Variants in PDE4B observed in about 807,000 individuals in gnomAD.
The protein encoded by PDE4B is 3',5'-cyclic-AMP phosphodiesterase 4B.
Under a neutral mutation model 82.2 loss-of-function variants are expected in PDE4B, and 20 were observed. The observed-to-expected ratio is 0.24, with a 90% CI of 0.17 to 0.35. The LOEUF (loss-of-function observed/expected upper bound fraction) is 0.35, where lower values mean the gene tolerates loss of function less well. PDE4B is among the 10% of genes least tolerant of loss of function. The probability of loss-of-function intolerance (pLI) is 1.00; values close to 1 mark genes in which losing one functional copy is unlikely to be tolerated. For synonymous variants in PDE4B, 320 were observed against 318.9 expected (o/e 1.00, Z -0.04); for missense variants, 655 against 907.2 (o/e 0.72, Z 3.57).
chr1:65,860,749 T>A (rs1646445187), intron 1 of PDE4B, among the ~76,000 whole-genome samples: 1 of 152,232 alleles, frequency 6.6e-6, no homozygotes, highest in South Asian at 2.1e-4. Flanking sequence ...GTAACTGTCA[T>A]GAGATGTTAT....
chr1:66,235,631 G>GA (rs1652348583), intron 3 of PDE4B, among the ~76,000 whole-genome samples: 1 of 152,070 alleles, frequency 6.6e-6, no homozygotes, highest in Non-Finnish European at 1.5e-5. Flanking sequence ...GTCAGGTCAT[G>GA]CTTTTTTAAT....
chr1:66,257,448 G>T (rs1335648332), intron 4 of PDE4B, 199 bp from the exon 5 acceptor site: 2 of 763,788 alleles, frequency 2.6e-6, no homozygotes, highest in Non-Finnish European at 4.9e-6. Context: ...CAGGAGTCAT[G>T]AATCTAGTAC....
chr1:65,829,626 T>C (rs1646058431), intron 1 of PDE4B, among the ~76,000 whole-genome samples: 1 of 152,140 alleles, frequency 6.6e-6, no homozygotes, highest in Non-Finnish European at 1.5e-5. Context: ...AAAGCTAAAC[T>C]AGAAATCAAT....
At chr1:65,800,869 A>T (rs1197835853) in intron 1 of PDE4B, among the ~76,000 whole-genome samples, 1 of 152,232 alleles carries the variant, frequency 6.6e-6, no homozygotes, top group Non-Finnish European at 1.5e-5. Context: ...TGATAATGAC[A>T]ACGGTCATGA....
At chr1:66,075,890 TAAACAAAACAAAACA>T (rs755561830) in intron 3 of PDE4B, among the ~76,000 whole-genome samples, 3 of 92,794 alleles carry the variant, frequency 3.2e-5, no homozygotes, top group Admixed American at 2.3e-4. Flanking sequence ...CATTCACATT[TAAACAAAACAAAACA>T]AAACAAAACA....
At chr1:65,966,103 A>T (rs1021052813) in intron 3 of PDE4B, among the ~76,000 whole-genome samples, 5 of 152,192 alleles carry the variant, frequency 3.3e-5, no homozygotes, top group Non-Finnish European at 7.4e-5. Context: ...AGAGGAAGTC[A>T]AATTGTCTCT....
At chr1:66,255,943 T>C (rs1403035551) in intron 4 of PDE4B, among the ~76,000 whole-genome samples, 5 of 152,194 alleles carry the variant, frequency 3.3e-5, no homozygotes, top group South Asian at 2.1e-4. Context: ...AGTGGGCCGA[T>C]TGCTTGAGCC....
chr1:65,866,659 G>T (rs947277868), intron 1 of PDE4B, among the ~76,000 whole-genome samples: 1 of 152,136 alleles, frequency 6.6e-6, no homozygotes, highest in Non-Finnish European at 1.5e-5. Context: ...GCAACCTCTA[G>T]ATATGACTAC....
intron 7 of PDE4B, among the ~76,000 whole-genome samples, chr1:66,313,320 C>T (rs1028209312): frequency 7.2e-5 from 11 of 152,332 alleles, no homozygotes; most frequent in Non-Finnish European, 1.6e-4. Context: ...ATTACTTCTA[C>T]TCTCAAAACA....
intron 3 of PDE4B, among the ~76,000 whole-genome samples, chr1:65,965,734 C>T (rs755353488): frequency 2.0e-5 from 3 of 152,022 alleles, no homozygotes; most frequent in African/African-American, 4.8e-5. Context: ...ATTATTGGCA[C>T]TCAACAAAAA....
chr1:65,962,029 G>A (rs1314737654), intron 3 of PDE4B, among the ~76,000 whole-genome samples: 1 of 152,104 alleles, frequency 6.6e-6, no homozygotes, highest in Non-Finnish European at 1.5e-5. Context: ...AGTCGAAAAT[G>A]CACTTAATAT....
chr1:65,890,243 G>T (rs1646838804), intron 1 of PDE4B, among the ~76,000 whole-genome samples: 1 of 151,034 alleles, frequency 6.6e-6, no homozygotes, highest in African/African-American at 2.4e-5. Context: ...GCCTTATATT[G>T]GTTTTCATTT....
At chr1:66,035,575 A>G (rs1459555955) in intron 3 of PDE4B, among the ~76,000 whole-genome samples, 1 of 152,138 alleles carries the variant, frequency 6.6e-6, no homozygotes, top group East Asian at 1.9e-4. Context: ...GTGAGATTAT[A>G]CAGTGTTTGT....
chr1:65,861,365 T>C (rs1646452162), intron 1 of PDE4B, among the ~76,000 whole-genome samples: 1 of 152,130 alleles, frequency 6.6e-6, no homozygotes. Context: ...TGTAGATGTG[T>C]GGTGTTATTT....
chr1:66,179,419 A>G (rs1647013321), intron 3 of PDE4B, among the ~76,000 whole-genome samples: 1 of 152,174 alleles, frequency 6.6e-6, no homozygotes, highest in Non-Finnish European at 1.5e-5. Context: ...ACAGAAACAG[A>G]AGTTATGTGA....
chr1:65,819,982 A>G (rs1645934691), intron 1 of PDE4B, among the ~76,000 whole-genome samples: 1 of 152,230 alleles, frequency 6.6e-6, no homozygotes, highest in South Asian at 2.1e-4. Flanking sequence ...GATTGATTAG[A>G]CAAAAAGACT....
At chr1:66,251,122 T>C (rs1348514385) in intron 4 of PDE4B, among the ~76,000 whole-genome samples, 1 of 152,248 alleles carries the variant, frequency 6.6e-6, no homozygotes, top group Admixed American at 6.5e-5. Flanking sequence ...TTTTAAGACA[T>C]TGAATCTCTT....
chr1:66,117,527 G>A (rs908113505), intron 3 of PDE4B, among the ~76,000 whole-genome samples: 3 of 152,090 alleles, frequency 2.0e-5, no homozygotes, highest in African/African-American at 7.2e-5. Context: ...AGATGTGGTA[G>A]AAACAGACAC....
At chr1:66,239,035 A>G (rs1210494119) in intron 3 of PDE4B, among the ~76,000 whole-genome samples, 1 of 152,224 alleles carries the variant, frequency 6.6e-6, no homozygotes, top group Non-Finnish European at 1.5e-5. Context: ...AGTAAAAACT[A>G]GTTTTCCCAG....
Sources: gnomAD v4.1 joint callset for allele counts (sites outside exome capture counted in the v4.1 genomes callset) on GRCh38, gnomAD v4.1.1 for gene constraint, MANE v1.5 for transcripts, NCBI Gene and HGNC (gene_info 2026-07-23, HGNC 2026-07-21) for gene names.